The following PBX1 variants were observed in gnomAD, a reference collection of about 807,000 sequenced individuals.
PBX1 encodes pre-B-cell leukemia transcription factor 1.
In PBX1, 6 loss-of-function variants were observed where a neutral mutation model predicts 53.4. That is an observed-to-expected ratio of 0.11 (90% CI 0.06 to 0.22). PBX1 has a LOEUF of 0.22. PBX1 is among the 10% of genes least tolerant of loss of function. PBX1 has a pLI of 1.00. For synonymous variants in PBX1, 204 were observed against 212.3 expected, an observed-to-expected ratio of 0.96 and a Z score of 0.34; for missense variants, 251 against 551.4, an observed-to-expected ratio of 0.46 and a Z score of 5.46.
Position 164,757,763 on chromosome 1 carries a change from T to A in PBX1, c.266-34731T>A, listed in dbSNP as rs187770843. Among the ~76,000 whole-genome samples, 506 of 152,116 alleles carry A rather than the reference T, an allele frequency of 3.3e-3. 1 individual carries two copies. The highest frequency in any genetic ancestry group is 6.8e-3 in the Middle Eastern group (2 of 294). On this transcript the variant is annotated intron_variant, in intron 2 of 8. Transcript: ENST00000420696. Reference sequence around the variant, plus strand: ...GTTACTATTTCGTCACCCAGCATGTTTCCATTAAGGCAATCACATTAGGTT... The same window carrying A: ...GTTACTATTTCGTCACCCAGCATGTATCCATTAAGGCAATCACATTAGGTT...
chr1:164,584,906 A>G (rs1654850747), intron 2 of PBX1, among the ~76,000 whole-genome samples: 1 of 152,050 alleles, frequency 6.6e-6, no homozygotes, highest in Admixed American at 6.6e-5. Flanking sequence ...CCTCTTTTAA[A>G]AGCTAAACTA....
At chr1:164,721,518 A>G (rs948161506) in intron 2 of PBX1, among the ~76,000 whole-genome samples, 4 of 151,868 alleles carry the variant, frequency 2.6e-5, no homozygotes, top group African/African-American at 9.7e-5. Context: ...AAAACAATTG[A>G]ATTCTTTGAG....
chr1:164,705,627 AT>A (rs1663381205), intron 2 of PBX1, among the ~76,000 whole-genome samples: 2 of 152,060 alleles, frequency 1.3e-5, no homozygotes, highest in Non-Finnish European at 2.9e-5. Flanking sequence ...TGCCTTTTTG[AT>A]TTTTCACATG....
intron 2 of PBX1, chr1:164,683,380 A>T (rs545271631): frequency 2.6e-5 from 4 of 152,206 alleles, no homozygotes; most frequent in Non-Finnish European, 5.9e-5. Context: ...CGATTCTTCT[A>T]ACAGGCCATA....
At chr1:164,686,987 A>G (rs913478056) in intron 2 of PBX1, among the ~76,000 whole-genome samples, 9 of 151,994 alleles carry the variant, frequency 5.9e-5, no homozygotes, top group African/African-American at 2.2e-4. Flanking sequence ...GAAAACAAAA[A>G]CAAAACCAAA....
chr1:164,748,050 A>G (rs1665991565), intron 2 of PBX1, among the ~76,000 whole-genome samples: 1 of 152,154 alleles, frequency 6.6e-6, no homozygotes, highest in Non-Finnish European at 1.5e-5. Flanking sequence ...ATTGTGATAA[A>G]CAGTATGGGC....
At chr1:164,701,314 A>G (rs1663108029) in intron 2 of PBX1, among the ~76,000 whole-genome samples, 1 of 152,140 alleles carries the variant, frequency 6.6e-6, no homozygotes, top group Non-Finnish European at 1.5e-5. Flanking sequence ...AACTTCACCA[A>G]TTGTTATCTC....
At chr1:164,668,052 G>T (rs986442304) in intron 2 of PBX1, among the ~76,000 whole-genome samples, 1 of 152,124 alleles carries the variant, frequency 6.6e-6, no homozygotes, top group East Asian at 1.9e-4. Context: ...CTTTAGAAAT[G>T]GAGTGATTGA....
chr1:164,847,259 G>A lies in PBX1; in HGVS notation c.*583G>A. ...TCCTCCCTGGGGACAGTACTGATTG[G>A]AACACTTTCCTCCTCTTCCTTCCTA... On this transcript the variant is annotated 3_prime_UTR_variant, in exon 9 of 9. Coordinates refer to ENST00000420696, the MANE Select transcript of PBX1 (RefSeq NM_002585.4). The A allele has an allele frequency of 1.9e-6, 2 of 1,066,322 alleles. No homozygotes were observed. The highest frequency in any genetic ancestry group is 9.1e-5 in the South Asian group (2 of 22,022). The allele number at this position is 1,066,322 out of a possible 1,614,324, so 66.1% of individuals were successfully genotyped here.
intron 2 of PBX1, chr1:164,682,477 CA>C (rs1484329994): frequency 1.3e-5 from 2 of 151,962 alleles, no homozygotes; most frequent in Non-Finnish European, 2.9e-5. Context: ...ATAAGGAAAA[CA>C]AAACCAAACC....
intron 6 of PBX1, among the ~76,000 whole-genome samples, chr1:164,812,350 G>A (rs1009110423): frequency 6.6e-6 from 1 of 152,132 alleles, no homozygotes; most frequent in Non-Finnish European, 1.5e-5. Context: ...TTTTTACAAC[G>A]TGGGTTGTCT....
At chr1:164,684,609 A>G (rs1047546245) in intron 2 of PBX1, 3 of 152,216 alleles carry the variant, frequency 2.0e-5, no homozygotes, top group Non-Finnish European at 4.4e-5. Flanking sequence ...ATAGACCCAA[A>G]TGACCTCTCT....
At chr1:164,616,147 C>T (rs999832003) in intron 2 of PBX1, among the ~76,000 whole-genome samples, 6 of 152,146 alleles carry the variant, frequency 3.9e-5, no homozygotes, top group Admixed American at 6.5e-5. Flanking sequence ...CTGTGTGACT[C>T]CCTGTAAACT....
At chr1:164,881,417 G>A (rs995833689) in intron 2 of PBX1, among the ~76,000 whole-genome samples, 2 of 133,606 alleles carry the variant, frequency 1.5e-5, no homozygotes, top group South Asian at 2.6e-4. Context: ...AGGTAGGAAG[G>A]AAGGGAGGGA....
At chr1:164,748,140 G>A (rs1240576247) in intron 2 of PBX1, among the ~76,000 whole-genome samples, 1 of 152,162 alleles carries the variant, frequency 6.6e-6, no homozygotes, top group African/African-American at 2.4e-5. Context: ...GATTTGAGAT[G>A]CAAAGTGTTA....
intron 3 of PBX1, among the ~76,000 whole-genome samples, chr1:164,799,152 G>A (rs867978378): frequency 1.3e-5 from 2 of 152,100 alleles, no homozygotes; most frequent in South Asian, 2.1e-4. Flanking sequence ...GGAAAAAAAA[G>A]ATTAAGATAA....
intron 2 of PBX1, among the ~76,000 whole-genome samples, chr1:164,616,139 G>A (rs1292976508): frequency 2.0e-5 from 3 of 152,196 alleles, no homozygotes; most frequent in African/African-American, 7.2e-5. Context: ...AGTGGCAGCT[G>A]TGTGACTCCC....
intron 2 of PBX1, among the ~76,000 whole-genome samples, chr1:164,721,009 G>A (rs1001234890): frequency 6.6e-6 from 1 of 152,168 alleles, no homozygotes; most frequent in Non-Finnish European, 1.5e-5. Context: ...AGCATGTCAG[G>A]ATATCTTTGG....
chr1:164,713,898 TA>T (rs1286281159), intron 2 of PBX1, among the ~76,000 whole-genome samples: 1 of 152,150 alleles, frequency 6.6e-6, no homozygotes, highest in Non-Finnish European at 1.5e-5. Flanking sequence ...AGGGAAAAAT[TA>T]AATATAAACA....
Sources: allele counts gnomAD v4.1 joint callset (sites outside exome capture counted in the v4.1 genomes callset), GRCh38; gene constraint gnomAD v4.1.1; transcripts MANE v1.5; gene names NCBI Gene and HGNC (gene_info 2026-07-23, HGNC 2026-07-21).